Variants in B3GALT1 observed in about 807,000 individuals in gnomAD.
B3GALT1 encodes beta-1,3-galactosyltransferase 1, also known as UDP-Gal:betaGlcNAc beta 1,3-galactosyltransferase, polypeptide 1.
Under a neutral mutation model 23.2 loss-of-function variants are expected in B3GALT1, and 10 were observed. The observed-to-expected ratio is 0.43, with a 90% CI of 0.27 to 0.73. The LOEUF (loss-of-function observed/expected upper bound fraction) is 0.73, where lower values mean the gene tolerates loss of function less well. B3GALT1 is among the 30% of genes least tolerant of loss of function. The pLI, the probability that B3GALT1 is intolerant of heterozygous loss-of-function variation, is 0.21. For synonymous variants in B3GALT1, 156 were observed against 141.5 expected (o/e 1.10, Z -0.73); for missense variants, 299 against 405.4 (o/e 0.74, Z 2.25).
At chr2:167,387,782 ATAGT>A (rs959236612) in intron 1 of B3GALT1, among the ~76,000 whole-genome samples, 5 of 152,220 alleles carry the variant, frequency 3.3e-5, no homozygotes, top group African/African-American at 4.8e-5. Flanking sequence ...GGAAAAAAAA[ATAGT>A]TAGTGTTAAT....
intron 2 of B3GALT1, among the ~76,000 whole-genome samples, chr2:167,591,963 T>G (rs906643910): frequency 7.9e-5 from 12 of 152,132 alleles, no homozygotes; most frequent in Admixed American, 5.2e-4. Flanking sequence ...AGATTCTGAA[T>G]ATAATATTGA....
intron 3 of B3GALT1, among the ~76,000 whole-genome samples, chr2:167,711,815 A>T (rs1425542187): frequency 6.6e-6 from 1 of 152,092 alleles, no homozygotes; most frequent in Non-Finnish European, 1.5e-5. Context: ...AAATACAAAA[A>T]AAATTAGCTG....
chr2:167,737,644 A>G (rs1386664617), intron 3 of B3GALT1, among the ~76,000 whole-genome samples: 1 of 152,224 alleles, frequency 6.6e-6, no homozygotes, highest in Non-Finnish European at 1.5e-5. Context: ...ACATTTGGAG[A>G]ACTGCCCTGA....
intron 1 of B3GALT1, among the ~76,000 whole-genome samples, chr2:167,339,760 C>A (rs530268996): frequency 6.5e-4 from 99 of 152,234 alleles, no homozygotes; most frequent in African/African-American, 2.2e-3. Flanking sequence ...TAAGCCTTAA[C>A]TAAAAACAAA....
chr2:167,686,388 T>G (rs1204827772), intron 3 of B3GALT1, among the ~76,000 whole-genome samples: 1 of 152,158 alleles, frequency 6.6e-6, no homozygotes, highest in Non-Finnish European at 1.5e-5. Context: ...TCTTAGAAAA[T>G]TCGGCAATGC....
chr2:167,872,909 AG>A lies in B3GALT1; in HGVS notation c.*2890del, dbSNP rs752558380. On this transcript the variant is annotated 3_prime_UTR_variant, in exon 5 of 5. Coordinates refer to ENST00000392690, the MANE Select transcript of B3GALT1 (RefSeq NM_020981.4). Reference sequence around the variant, plus strand: ...CTGTGTAACCTTTTCTTCTGCATGGAGCTTTTGGTGAAGCAAGGCCATTTGT... The same window carrying A: ...CTGTGTAACCTTTTCTTCTGCATGGACTTTTGGTGAAGCAAGGCCATTTGT... 1.3e-5 allele frequency: 2 copies of A among 152,120 alleles called. No homozygotes were observed. The highest frequency in any genetic ancestry group is 2.9e-5 in the Non-Finnish European group (2 of 68,020). 9.4% of individuals were successfully genotyped at this position (152,120 alleles called of 1,614,324 possible).
In B3GALT1 at chr2:167,868,930, C is replaced by G; in HGVS notation, c.-110C>G. 1.5e-6 allele frequency: 2 copies of G among 1,325,154 alleles called. No individual in the cohort carries two copies. The highest frequency in any genetic ancestry group is 1.5e-5 in the South Asian group (1 of 67,786). 82.1% of individuals were successfully genotyped at this position (1,325,154 alleles called of 1,614,324 possible). A position where few individuals can be genotyped will look rare whatever the true frequency, so the allele number is the denominator to read the frequency against. On this transcript the variant is annotated 5_prime_UTR_variant, in exon 5 of 5. Transcript: ENST00000392690. ...TGGACAATCTCCACCTCACGCTTCTCTATCAAACTTGAAGATTTATTAGTA... is the reference window on the plus strand; with the variant it reads ...TGGACAATCTCCACCTCACGCTTCTGTATCAAACTTGAAGATTTATTAGTA...
chr2:167,561,069 C>T (rs950947643), intron 2 of B3GALT1, among the ~76,000 whole-genome samples: 5 of 152,130 alleles, frequency 3.3e-5, no homozygotes, highest in African/African-American at 1.2e-4. Context: ...AAGCTCTCCT[C>T]AGCAAATGTA....
intron 2 of B3GALT1, among the ~76,000 whole-genome samples, chr2:167,535,858 G>A (rs1482852318): frequency 6.6e-6 from 1 of 152,134 alleles, no homozygotes. Context: ...AAAAAGTTCA[G>A]TTTCAAAAGT....
intron 3 of B3GALT1, chr2:167,714,962 T>C (rs1687120509): frequency 6.2e-7 from 1 of 1,611,660 alleles, no homozygotes; most frequent in East Asian, 2.2e-5. Flanking sequence ...AAAATATATG[T>C]TTTCTGACTG....
intron 1 of B3GALT1, among the ~76,000 whole-genome samples, chr2:167,354,107 T>C (rs191423198): frequency 7.9e-5 from 12 of 152,308 alleles, no homozygotes; most frequent in Non-Finnish European, 1.6e-4. Flanking sequence ...ATGTGTCAGC[T>C]CCTTTGTCTG....
chr2:167,547,091 C>G (rs910990111), intron 2 of B3GALT1, among the ~76,000 whole-genome samples: 1 of 152,316 alleles, frequency 6.6e-6, no homozygotes, highest in African/African-American at 2.4e-5. Context: ...CTCAGTCCCA[C>G]CACAGCAGCA....
chr2:167,502,181 A>G (rs1291636126), intron 2 of B3GALT1, among the ~76,000 whole-genome samples: 2 of 152,172 alleles, frequency 1.3e-5, no homozygotes, highest in African/African-American at 2.4e-5. Context: ...CAATCTTTCC[A>G]TAGTTATAAT....
chr2:167,634,611 A>G (rs115159505), intron 2 of B3GALT1, among the ~76,000 whole-genome samples: 1,645 of 152,234 alleles, frequency 0.011, 35 homozygotes, highest in African/African-American at 0.038. Flanking sequence ...AGAAACTTAT[A>G]AATTCCTGGA....
At chr2:167,683,271 C>G (rs971979043) in intron 3 of B3GALT1, among the ~76,000 whole-genome samples, 4 of 152,042 alleles carry the variant, frequency 2.6e-5, no homozygotes, top group African/African-American at 9.7e-5. Flanking sequence ...CAGTAGACAC[C>G]AAAGACCTTC....
chr2:167,803,217 A>G (rs836682), intron 3 of B3GALT1, among the ~76,000 whole-genome samples: 18,286 of 152,140 alleles, frequency 0.12, 1,346 homozygotes, highest in East Asian at 0.36. Flanking sequence ...ATTGTGGTGA[A>G]GCAACAGTGC....
chr2:167,724,194 A>G (rs1041255781), intron 3 of B3GALT1, among the ~76,000 whole-genome samples: 3 of 152,232 alleles, frequency 2.0e-5, no homozygotes, highest in African/African-American at 7.2e-5. Flanking sequence ...CTGAAATGTA[A>G]GTGAATATTG....
chr2:167,823,113 A>AC (rs543623854), intron 4 of B3GALT1, among the ~76,000 whole-genome samples: 113 of 149,876 alleles, frequency 7.5e-4, no homozygotes, highest in Middle Eastern at 3.4e-3. Flanking sequence ...GAGCTCTGAG[A>AC]CCCCCCCAGG....
At chr2:167,649,111 A>G (rs1019013452) in intron 3 of B3GALT1, among the ~76,000 whole-genome samples, 2 of 152,138 alleles carry the variant, frequency 1.3e-5, no homozygotes, top group African/African-American at 4.8e-5. Context: ...TTATCAACAC[A>G]GCTTTACCAC....
Sources: gnomAD v4.1 joint callset for allele counts (sites outside exome capture counted in the v4.1 genomes callset) on GRCh38, gnomAD v4.1.1 for gene constraint, MANE v1.5 for transcripts, NCBI Gene and HGNC (gene_info 2026-07-23, HGNC 2026-07-21) for gene names.